SLC35G2: variants seen among roughly 807,000 people sequenced by gnomAD.
The protein encoded by SLC35G2 is transmembrane protein 22.
Under a neutral mutation model 27.2 loss-of-function variants are expected in SLC35G2, and 20 were observed. The ratio of observed to expected loss-of-function variants is 0.74; its 90% CI spans 0.52 to 1.07. The LOEUF (loss-of-function observed/expected upper bound fraction) is 1.07. SLC35G2 is among the 50% of genes least tolerant of loss of function. The pLI is 0.00. For synonymous variants in SLC35G2, 148 were observed against 165.3 expected, an observed-to-expected ratio of 0.90 and a Z score of 0.80; for missense variants, 416 against 493.3, an observed-to-expected ratio of 0.84 and a Z score of 1.48.
chr3:136,840,412 A>C (rs1330681353), intron 1 of SLC35G2, among the ~76,000 whole-genome samples: 1 of 152,070 alleles, frequency 6.6e-6, no homozygotes, highest in Non-Finnish European at 1.5e-5. Context: ...GTCACCAGAA[A>C]GGCACAGTGA....
chr3:136,831,040 T>C (rs1217097067), intron 1 of SLC35G2, among the ~76,000 whole-genome samples: 1 of 152,252 alleles, frequency 6.6e-6, no homozygotes, highest in African/African-American at 2.4e-5. Flanking sequence ...TCTTTTACTT[T>C]AGGAACTCAA....
intron 1 of SLC35G2, among the ~76,000 whole-genome samples, chr3:136,853,541 A>G (rs1241879883): frequency 6.6e-6 from 1 of 152,170 alleles, no homozygotes; most frequent in Admixed American, 6.5e-5. Context: ...AAACATTTTA[A>G]TTCTATTTTT....
chr3:136,847,926 G>A (rs531274967), intron 1 of SLC35G2, among the ~76,000 whole-genome samples: 2 of 152,152 alleles, frequency 1.3e-5, no homozygotes, highest in East Asian at 1.9e-4. Flanking sequence ...GCAGTGAGCC[G>A]GGATTGCATC....
chr3:136,827,820 G>C (rs1042793342), intron 1 of SLC35G2, among the ~76,000 whole-genome samples: 1 of 150,944 alleles, frequency 6.6e-6, no homozygotes, highest in Non-Finnish European at 1.5e-5. Context: ...AAGATACTTG[G>C]TATCATTTCA....
At position 136,855,786 on chromosome 3, in the gene SLC35G2, A is replaced by C; in HGVS notation, c.*87A>C. The C allele has an allele frequency of 9.5e-7, 1 of 1,048,972 alleles. No individual in the cohort carries two copies. The highest frequency in any genetic ancestry group is 1.4e-6 in the Non-Finnish European group (1 of 691,968). 65.0% of individuals were successfully genotyped at this position (1,048,972 alleles called of 1,614,324 possible). ...TACCTATGAATGTCTTTTGTGTTAT[A>C]TAACTGACAGAGTGCTATAAAATAT... is the stretch of plus-strand genomic sequence containing the variant. On this transcript the variant is annotated 3_prime_UTR_variant, in exon 2 of 2. Coordinates refer to ENST00000446465, the MANE Select transcript of SLC35G2 (RefSeq NM_025246.3).
intron 1 of SLC35G2, among the ~76,000 whole-genome samples, chr3:136,834,598 G>A (rs766745502): frequency 1.4e-4 from 21 of 152,154 alleles, no homozygotes; most frequent in Non-Finnish European, 2.5e-4. Flanking sequence ...TGAAAGTTCT[G>A]GGATTACAGG....
At chr3:136,821,810 A>G (rs966602712) in intron 1 of SLC35G2, among the ~76,000 whole-genome samples, 1 of 152,206 alleles carries the variant, frequency 6.6e-6, no homozygotes, top group Non-Finnish European at 1.5e-5. Context: ...GCTGTATAGC[A>G]GATCTTTAGA....
intron 1 of SLC35G2, among the ~76,000 whole-genome samples, chr3:136,828,424 T>C (rs1936643032): frequency 6.6e-6 from 1 of 152,224 alleles, no homozygotes; most frequent in Non-Finnish European, 1.5e-5. Flanking sequence ...CAGCACTGGG[T>C]ACATATTTAT....
At chr3:136,834,643 G>C (rs1396565031) in intron 1 of SLC35G2, among the ~76,000 whole-genome samples, 1 of 152,004 alleles carries the variant, frequency 6.6e-6, no homozygotes, top group African/African-American at 2.4e-5. Flanking sequence ...TAAAATTCAG[G>C]ACTTCATCAT....
chr3:136,849,007 C>G (rs1937515120), intron 1 of SLC35G2, among the ~76,000 whole-genome samples: 13 of 152,040 alleles, frequency 8.6e-5, no homozygotes, highest in Admixed American at 8.5e-4. Flanking sequence ...TGGAGAAACC[C>G]TGTCTCTACT....
intron 1 of SLC35G2, among the ~76,000 whole-genome samples, chr3:136,834,710 A>G (rs1015062978): frequency 6.6e-6 from 1 of 152,202 alleles, no homozygotes; most frequent in African/African-American, 2.4e-5. Flanking sequence ...TATAGCATTT[A>G]TTATGTGTCT....
chr3:136,852,611 G>T (rs1170598648), intron 1 of SLC35G2, among the ~76,000 whole-genome samples: 1 of 151,172 alleles, frequency 6.6e-6, no homozygotes, highest in Non-Finnish European at 1.5e-5. Flanking sequence ...TCCTACCTCA[G>T]CCTCCTGAGT....
At chr3:136,850,454 T>G (rs1266901544) in intron 1 of SLC35G2, among the ~76,000 whole-genome samples, 1 of 152,160 alleles carries the variant, frequency 6.6e-6, no homozygotes, top group Non-Finnish European at 1.5e-5. Context: ...TCTTTTCAAT[T>G]AGGCATGTGG....
intron 1 of SLC35G2, among the ~76,000 whole-genome samples, chr3:136,833,056 C>T (rs562155741): frequency 3.2e-5 from 4 of 126,578 alleles, no homozygotes; most frequent in South Asian, 5.3e-4. Context: ...GTGACAACAG[C>T]GAGACTCTGT....
Position 136,830,171 on chromosome 3 carries a change from C to T in SLC35G2, c.-19+10543C>T, listed in dbSNP as rs186771258. ...GTCACCAGGCTGGGGTGCAGTGGCG[C>T]GATCTCAGCTCACTGCAATCTCCGC... On this transcript the variant is annotated intron_variant, in intron 1 of 1. Coordinates refer to ENST00000446465, the MANE Select transcript of SLC35G2 (RefSeq NM_025246.3). Among the ~76,000 whole-genome samples, 288 of 139,450 alleles carry T rather than the reference C, an allele frequency of 2.1e-3. 7 individuals carry two copies. The East Asian group carries it at 0.051, about 25-fold the overall frequency. The allele number at this position is 139,450 out of a possible 152,430, so 91.5% of individuals were successfully genotyped here.
At chr3:136,834,626 G>T (rs1412977574) in intron 1 of SLC35G2, among the ~76,000 whole-genome samples, 1 of 152,158 alleles carries the variant, frequency 6.6e-6, no homozygotes, top group Non-Finnish European at 1.5e-5. Flanking sequence ...CACTGCACCT[G>T]TGTGTTTAAA....
chr3:136,834,593 G>A (rs943802623), intron 1 of SLC35G2, among the ~76,000 whole-genome samples: 3 of 152,192 alleles, frequency 2.0e-5, no homozygotes, highest in Non-Finnish European at 4.4e-5. Flanking sequence ...GCCTCTGAAA[G>A]TTCTGGGATT....
chr3:136,843,554 G>A (rs1937204663), intron 1 of SLC35G2, among the ~76,000 whole-genome samples: 2 of 152,018 alleles, frequency 1.3e-5, no homozygotes, highest in Admixed American at 1.3e-4. Context: ...GTTGAGGCAG[G>A]AGAATCCCTT....
intron 1 of SLC35G2, chr3:136,820,495 A>G (rs1936428019): frequency 6.6e-6 from 1 of 152,220 alleles, no homozygotes; most frequent in Non-Finnish European, 1.5e-5. Flanking sequence ...CCGAAAGCAA[A>G]TGTGGCTTGC....
Sources: gnomAD v4.1 joint callset for allele counts (sites outside exome capture counted in the v4.1 genomes callset) on GRCh38, gnomAD v4.1.1 for gene constraint, MANE v1.5 for transcripts, NCBI Gene and HGNC (gene_info 2026-07-23, HGNC 2026-07-21) for gene names.